The following BRAF variants were observed in gnomAD, a reference collection of about 807,000 sequenced individuals.
The protein encoded by BRAF is serine/threonine-protein kinase B-raf.
Under a neutral mutation model 104.6 loss-of-function variants are expected in BRAF, and 16 were observed. The ratio of observed to expected loss-of-function variants is 0.15; its 90% CI spans 0.10 to 0.23. The LOEUF (loss-of-function observed/expected upper bound fraction) is 0.23. Ranked by LOEUF, BRAF falls within the 10% of genes least tolerant of loss-of-function variation. The pLI, the probability that BRAF is intolerant of heterozygous loss-of-function variation, is 1.00. For missense variants in BRAF, 541 were observed against 937.3 expected (o/e 0.58, Z 5.52); for synonymous variants, 310 against 341.6 (o/e 0.91, Z 1.02).
At chr7:140,887,305 C>G (rs905963886) in intron 1 of BRAF, among the ~76,000 whole-genome samples, 2 of 152,150 alleles carry the variant, frequency 1.3e-5, no homozygotes, top group African/African-American at 4.8e-5. Flanking sequence ...TCAGTTAAAT[C>G]AGGGAATCAT....
Position 140,873,064 on chromosome 7 carries a change from C to A in BRAF, c.139-22852G>T, listed in dbSNP as rs117459069. Among the ~76,000 whole-genome samples, 94 of 152,018 alleles carry A rather than the reference C, an allele frequency of 6.2e-4. 1 individual carries two copies. The East Asian group carries it at 0.018, about 28-fold the overall frequency. ...GAGTACATTGATAAATCCTCTCCCC[C>A]AAAAGCAACTATAAAGCTGGACAAA... On this transcript the variant is annotated intron_variant, in intron 1 of 19. Transcript: ENST00000644969.
chr7:140,743,578 TG>T (rs1401745527), intron 17 of BRAF, among the ~76,000 whole-genome samples: 1 of 150,544 alleles, frequency 6.6e-6, no homozygotes, highest in Admixed American at 6.6e-5. Context: ...TGTTGTGGGG[TG>T]GGTGGAGTGG....
Position 140,721,388 on chromosome 7 carries a change from T to C in BRAF, c.*5106A>G. ...CATTAAAAATACCTGATAGGAACTGTTAATTACCCTTTCCACAATTAACAA... is the reference window on the plus strand; with the variant it reads ...CATTAAAAATACCTGATAGGAACTGCTAATTACCCTTTCCACAATTAACAA... On this transcript the variant is annotated 3_prime_UTR_variant, in exon 20 of 20. Transcript: ENST00000644969. 1 of 1,245,148 alleles carries C rather than the reference T, an allele frequency of 8.0e-7. No homozygotes were observed. Among genetic ancestry groups the C allele is most frequent in the Non-Finnish European group, 1.0e-6 (1 of 995,506 alleles). 77.1% of individuals were successfully genotyped at this position (1,245,148 alleles called of 1,614,324 possible).
chr7:140,850,731 A>G (rs1013330322), intron 1 of BRAF, among the ~76,000 whole-genome samples: 2 of 152,148 alleles, frequency 1.3e-5, no homozygotes, highest in African/African-American at 4.8e-5. Flanking sequence ...ATTTCATAGC[A>G]TTGCACTGCT....
chr7:140,918,956 G>A (rs1184275248), intron 1 of BRAF, among the ~76,000 whole-genome samples: 1 of 151,778 alleles, frequency 6.6e-6, no homozygotes, highest in African/African-American at 2.4e-5. Context: ...TGGCCAACAC[G>A]GTGAAACCCC....
intron 1 of BRAF, among the ~76,000 whole-genome samples, chr7:140,859,838 C>G (rs943658240): frequency 2.6e-5 from 4 of 152,046 alleles, no homozygotes; most frequent in Admixed American, 2.6e-4. Context: ...CAGGTGCACA[C>G]CACCATGCCC....
In BRAF at chr7:140,725,943, A is replaced by G. The variant is rs1287941560; in HGVS notation, c.*551T>C. The G allele has an allele frequency of 1.9e-6, 2 of 1,064,000 alleles. No individual in the cohort carries two copies. Among genetic ancestry groups the G allele is most frequent in the African/African-American group, 3.3e-5 (2 of 60,980 alleles). 65.9% of individuals were successfully genotyped at this position (1,064,000 alleles called of 1,614,324 possible). A position where few individuals can be genotyped will look rare whatever the true frequency, so the allele number is the denominator to read the frequency against. On this transcript the variant is annotated 3_prime_UTR_variant, in exon 20 of 20. Coordinates refer to ENST00000644969, the MANE Select transcript of BRAF (RefSeq NM_001374258.1). ...TAGTTTCCTTTTGATAAAATCTGTCAAGGCCTGAACACGCACCACATAGAA... is the reference window on the plus strand; with the variant it reads ...TAGTTTCCTTTTGATAAAATCTGTCGAGGCCTGAACACGCACCACATAGAA...
intron 16 of BRAF, among the ~76,000 whole-genome samples, chr7:140,752,665 T>C (rs188986443): frequency 6.6e-6 from 1 of 152,178 alleles, no homozygotes; most frequent in Admixed American, 6.5e-5. Flanking sequence ...AGGCTGTTAA[T>C]CTACCTCTCA....
intron 1 of BRAF, among the ~76,000 whole-genome samples, chr7:140,854,866 A>G (rs551642136): frequency 6.6e-6 from 1 of 152,074 alleles, no homozygotes; most frequent in Admixed American, 6.6e-5. Flanking sequence ...AATCACTGGA[A>G]CCCAGGAGGC....
intron 17 of BRAF, among the ~76,000 whole-genome samples, chr7:140,745,413 A>G (rs1797271058): frequency 6.6e-6 from 1 of 152,230 alleles, no homozygotes. Flanking sequence ...AGAAAGCAGG[A>G]AACTTTCAGT....
intron 2 of BRAF, among the ~76,000 whole-genome samples, chr7:140,843,085 G>T (rs1359576282): frequency 6.6e-6 from 1 of 152,132 alleles, no homozygotes; most frequent in East Asian, 1.9e-4. Context: ...AAACTAATCT[G>T]AAGAAAAACT....
intron 17 of BRAF, chr7:140,747,331 T>A: frequency 8.6e-7 from 1 of 1,163,734 alleles, no homozygotes; most frequent in Non-Finnish European, 1.1e-6. Context: ...GTTCTAACTA[T>A]ACTATTAGAA....
intron 5 of BRAF, among the ~76,000 whole-genome samples, chr7:140,802,540 C>T (rs980795516): frequency 1.3e-5 from 2 of 151,896 alleles, no homozygotes; most frequent in Non-Finnish European, 2.9e-5. Flanking sequence ...TCAGGTGATG[C>T]GTCTGCCTAG....
intron 17 of BRAF, 65 bp from the exon 17 acceptor site, chr7:140,740,011 C>T (rs541015003): frequency 4.0e-6 from 6 of 1,508,840 alleles, no homozygotes; most frequent in Middle Eastern, 1.7e-4. Context: ...ATACTTCACA[C>T]TCATTGAAAA....
chr7:140,720,416 A>T lies in BRAF; in HGVS notation c.*6078T>A. On this transcript the variant is annotated 3_prime_UTR_variant, in exon 20 of 20. Coordinates refer to ENST00000644969, the MANE Select transcript of BRAF (RefSeq NM_001374258.1). Reference sequence around the variant, plus strand: ...TGTAAACTAACATAACATGAAGATAAATAAGACATAAAGGCTAGCCACTTA... The same window carrying T: ...TGTAAACTAACATAACATGAAGATATATAAGACATAAAGGCTAGCCACTTA... 1 of 1,062,618 alleles carries T rather than the reference A, an allele frequency of 9.4e-7. No homozygotes were observed. Among genetic ancestry groups the T allele is most frequent in the East Asian group, 5.1e-5 (1 of 19,646 alleles). 65.8% of individuals were successfully genotyped at this position (1,062,618 alleles called of 1,614,324 possible).
chr7:140,781,683 C>T lies in BRAF; in HGVS notation c.1445G>A (p.Gly482Asp). The change falls in exon 12 of 20, where the codon GGT becomes GAT. Residue 482 changes from glycine to aspartate, a missense_variant. Physicochemically the swap from Gly to Asp is moderately conservative, Grantham distance 94. Transcript: ENST00000644969. ...SEDRNRMKTL[G>D]RRDSSDDWEI... ...CCAATCATCACTCGAGTCCCGTCTA[C>T]CAAGTGTTTTCTTGATAAAAACAGT... 1 of 1,613,744 alleles carries T rather than the reference C, an allele frequency of 6.2e-7. No homozygotes were observed. The highest frequency in any genetic ancestry group is 1.1e-5 in the South Asian group (1 of 91,060).
At chr7:140,763,727 C>T (rs1586065185) in intron 14 of BRAF, among the ~76,000 whole-genome samples, 1 of 152,302 alleles carries the variant, frequency 6.6e-6, no homozygotes, top group Middle Eastern at 3.4e-3. Flanking sequence ...GACACATACA[C>T]TCTCCCAAGA....
chr7:140,849,540 G>A (rs1808927493), intron 2 of BRAF, among the ~76,000 whole-genome samples: 1 of 151,246 alleles, frequency 6.6e-6, no homozygotes, highest in Non-Finnish European at 1.5e-5. Context: ...AAATTGGCTA[G>A]GCACAGTGGC....
At position 140,797,633 on chromosome 7, in the gene BRAF, A is replaced by G. The variant is rs561032819; in HGVS notation, c.980+2729T>C. Among the ~76,000 whole-genome samples the G allele has an allele frequency of 2.0e-5, 3 of 152,344 alleles. No individual in the cohort carries two copies. In the South Asian group the frequency reaches 6.2e-4, roughly 32 times the overall value. On this transcript the variant is annotated intron_variant, in intron 7 of 19. Transcript: ENST00000644969. ...GTTACCAATAAAATATTCATGGCAC[A>G]GGCAAATGGTTTCTTAATTTTAAGA...
Sources: allele counts gnomAD v4.1 joint callset (sites outside exome capture counted in the v4.1 genomes callset), GRCh38; gene constraint gnomAD v4.1.1; transcripts MANE v1.5; gene names NCBI Gene and HGNC (gene_info 2026-07-23, HGNC 2026-07-21).